MALRD1: variants seen among roughly 807,000 people sequenced by gnomAD.
MALRD1 encodes MAM and LDL receptor class A domain containing 1.
In MALRD1, 247 loss-of-function variants were observed where a neutral mutation model predicts 242.1. The observed-to-expected ratio is 1.02, with a 90% confidence interval of 0.92 to 1.13. The LOEUF is 1.13. Among genes scored for constraint, MALRD1 ranks in the 50% most tolerant of loss-of-function variants. The probability of loss-of-function intolerance (pLI) is 0.00; values close to 1 mark genes in which losing one functional copy is unlikely to be tolerated. For synonymous variants in MALRD1, 995 were observed against 866.6 expected (o/e 1.15, Z -2.60); for missense variants, 2,989 against 2,533.1 (o/e 1.18, Z -3.86).
chr10:19,126,546 A>C (rs1307176651), intron 7 of MALRD1, among the ~76,000 whole-genome samples: 3 of 151,902 alleles, frequency 2.0e-5, no homozygotes, highest in African/African-American at 7.3e-5. Context: ...TATACTTGCT[A>C]ATATTTTCTT....
At chr10:19,664,563 A>G (rs909927402) in intron 36 of MALRD1, among the ~76,000 whole-genome samples, 1 of 152,086 alleles carries the variant, frequency 6.6e-6, no homozygotes, top group Admixed American at 6.6e-5. Flanking sequence ...TTATTAAGTT[A>G]AAGGCTTCAC....
intron 32 of MALRD1, among the ~76,000 whole-genome samples, chr10:19,541,646 G>A (rs148270089): frequency 1.1e-4 from 16 of 152,202 alleles, no homozygotes; most frequent in African/African-American, 3.6e-4. Flanking sequence ...ACAGAAAAAG[G>A]CAAGGTTTGG....
chr10:19,495,192 G>A (rs181952674), intron 30 of MALRD1, among the ~76,000 whole-genome samples: 26 of 152,070 alleles, frequency 1.7e-4, no homozygotes, highest in Non-Finnish European at 3.7e-4. Context: ...GGCCAGGCTG[G>A]TTTCAAACTC....
intron 28 of MALRD1, among the ~76,000 whole-genome samples, chr10:19,449,669 A>T (rs780611512): frequency 6.6e-6 from 1 of 152,264 alleles, no homozygotes; most frequent in South Asian, 2.1e-4. Context: ...GGTCTTCAGT[A>T]TATCTGAAGA....
chr10:19,303,619 A>G (rs1842043271), intron 21 of MALRD1, among the ~76,000 whole-genome samples: 1 of 151,796 alleles, frequency 6.6e-6, no homozygotes, highest in Non-Finnish European at 1.5e-5. Flanking sequence ...TCTAGTAGCC[A>G]CAACATACAA....
At chr10:19,688,740 G>A (rs1355390265) in intron 36 of MALRD1, among the ~76,000 whole-genome samples, 4 of 152,184 alleles carry the variant, frequency 2.6e-5, no homozygotes, top group Non-Finnish European at 4.4e-5. Context: ...TCAACACACC[G>A]TTCTAGCATG....
chr10:19,444,308 A>G (rs1834838986), intron 28 of MALRD1, among the ~76,000 whole-genome samples: 1 of 152,154 alleles, frequency 6.6e-6, no homozygotes, highest in Non-Finnish European at 1.5e-5. Flanking sequence ...GCCCATTTAC[A>G]TTTAAGGTTA....
intron 28 of MALRD1, among the ~76,000 whole-genome samples, chr10:19,444,234 C>T (rs1009225698): frequency 5.2e-4 from 79 of 152,128 alleles, no homozygotes; most frequent in Non-Finnish European, 5.9e-4. Context: ...CTCAATACAG[C>T]ACACTGATGG....
chr10:19,327,694 T>C (rs897552626), intron 23 of MALRD1, 21 bp downstream of exon 23: 19 of 1,512,154 alleles, frequency 1.3e-5, no homozygotes, highest in Non-Finnish European at 1.6e-5. Flanking sequence ...CAGGTAGTTA[T>C]GGGGTGAGTG....
chr10:19,396,164 G>T, intron 28 of MALRD1, among the ~76,000 whole-genome samples: 1 of 118,132 alleles, frequency 8.5e-6, no homozygotes, highest in Admixed American at 1.0e-4. Context: ...TTTTGATGGA[G>T]TCTCGTTCTG....
chr10:19,114,328 G>A (rs1161762384), intron 5 of MALRD1, among the ~76,000 whole-genome samples: 1 of 152,176 alleles, frequency 6.6e-6, no homozygotes, highest in Non-Finnish European at 1.5e-5. Flanking sequence ...TAAAGAAAAT[G>A]AGTGGACTTA....
intron 31 of MALRD1, among the ~76,000 whole-genome samples, chr10:19,509,109 C>G (rs1021421300): frequency 3.9e-5 from 6 of 152,058 alleles, no homozygotes; most frequent in Non-Finnish European, 8.8e-5. Context: ...TATATATTAA[C>G]AAAGTATATC....
chr10:19,557,606 G>A (rs972976344), intron 32 of MALRD1, among the ~76,000 whole-genome samples: 1 of 151,860 alleles, frequency 6.6e-6, no homozygotes, highest in Non-Finnish European at 1.5e-5. Flanking sequence ...TCTGTTTCTG[G>A]GCTCTCTATT....
chr10:19,707,208 C>T (rs1833906187), intron 38 of MALRD1, among the ~76,000 whole-genome samples: 1 of 151,556 alleles, frequency 6.6e-6, no homozygotes, highest in South Asian at 2.1e-4. Flanking sequence ...CTTCCTCCTT[C>T]TCCTCCTTCT....
At chr10:19,285,799 G>T (rs1248880406) in intron 21 of MALRD1, among the ~76,000 whole-genome samples, 26 of 113,930 alleles carry the variant, frequency 2.3e-4, no homozygotes, top group African/African-American at 8.6e-4. Flanking sequence ...GAAAGTCATT[G>T]GTAGCTTGAT....
At chr10:19,318,320 T>C (rs1193204057) in intron 21 of MALRD1, among the ~76,000 whole-genome samples, 2 of 151,902 alleles carry the variant, frequency 1.3e-5, no homozygotes, top group Admixed American at 1.3e-4. Flanking sequence ...ACAAATGCAG[T>C]TTTGTTGTTT....
At chr10:19,234,805 C>T (rs1838234747) in intron 18 of MALRD1, among the ~76,000 whole-genome samples, 1 of 152,034 alleles carries the variant, frequency 6.6e-6, no homozygotes, top group African/African-American at 2.4e-5. Flanking sequence ...GAGACAAAGG[C>T]ACACAAGCAA....
intron 12 of MALRD1, among the ~76,000 whole-genome samples, chr10:19,163,136 C>CAAAAAAAAAAAAAA (rs1564433382): frequency 5.4e-5 from 2 of 36,912 alleles, no homozygotes; most frequent in Non-Finnish European, 9.3e-5. Flanking sequence ...GAAACCCTGT[C>CAAAAAAAAAAAAAA]TAAAAAAAAA....
chr10:19,373,665 T>C (rs1845484012), intron 26 of MALRD1, among the ~76,000 whole-genome samples: 1 of 152,184 alleles, frequency 6.6e-6, no homozygotes, highest in Admixed American at 6.5e-5. Flanking sequence ...GTCATTAAGT[T>C]TCTCACACGT....
Sources: gnomAD v4.1 joint callset for allele counts (sites outside exome capture counted in the v4.1 genomes callset) on GRCh38, gnomAD v4.1.1 for gene constraint, MANE v1.5 for transcripts, NCBI Gene and HGNC (gene_info 2026-07-23, HGNC 2026-07-21) for gene names.